The following SOCS5 variants were observed in gnomAD, a reference collection of about 807,000 sequenced individuals.
SOCS5 encodes the protein suppressor of cytokine signaling 5.
A neutral mutation model predicts 42.8 loss-of-function variants in SOCS5; 32 were observed. The ratio of observed to expected loss-of-function variants is 0.75; its 90% confidence interval spans 0.56 to 1.01. The LOEUF (loss-of-function observed/expected upper bound fraction) is 1.01. SOCS5 is among the 50% of genes least tolerant of loss of function. The pLI, the probability that SOCS5 is intolerant of heterozygous loss-of-function variation, is 0.00. For missense variants in SOCS5, 627 were observed against 653.0 expected (o/e 0.96, Z 0.43); for synonymous variants, 283 against 229.6 (o/e 1.23, Z -2.10).
At chr2:46,749,452 T>C (rs1281795431) in intron 1 of SOCS5, among the ~76,000 whole-genome samples, 1 of 152,220 alleles carries the variant, frequency 6.6e-6, no homozygotes, top group African/African-American at 2.4e-5. Context: ...CTAAGGCTTA[T>C]GTTGTTTGTG....
At chr2:46,707,544 G>C (rs1413241721) in intron 1 of SOCS5, among the ~76,000 whole-genome samples, 1 of 152,182 alleles carries the variant, frequency 6.6e-6, no homozygotes, top group Middle Eastern at 3.2e-3. Context: ...TAGTGCAAAA[G>C]AAAATTAGGA....
At chr2:46,705,868 G>T (rs373890614) in intron 1 of SOCS5, among the ~76,000 whole-genome samples, 1 of 152,210 alleles carries the variant, frequency 6.6e-6, no homozygotes, top group South Asian at 2.1e-4. Flanking sequence ...AGCCAGCAAG[G>T]AGAAGCTACA....
chr2:46,730,350 C>G (rs1404090459), intron 1 of SOCS5, among the ~76,000 whole-genome samples: 1 of 152,118 alleles, frequency 6.6e-6, no homozygotes, highest in Non-Finnish European at 1.5e-5. Context: ...TCTGTAATCC[C>G]GGCACTTTGG....
chr2:46,700,720 A>G (rs1672323797), intron 1 of SOCS5, among the ~76,000 whole-genome samples: 1 of 152,130 alleles, frequency 6.6e-6, no homozygotes, highest in African/African-American at 2.4e-5. Flanking sequence ...TTTTTCCTTT[A>G]TATAGCACTC....
At chr2:46,705,767 A>G (rs1046291830) in intron 1 of SOCS5, among the ~76,000 whole-genome samples, 3 of 152,192 alleles carry the variant, frequency 2.0e-5, no homozygotes, top group African/African-American at 4.8e-5. Flanking sequence ...TTTATTTAAC[A>G]TTTTTATAAA....
At position 46,759,984 on chromosome 2, in the gene SOCS5, A is replaced by G; in HGVS notation, c.1454A>G (p.Gln485Arg). 1 of 1,614,186 alleles carries G rather than the reference A, an allele frequency of 6.2e-7. No homozygotes were observed. Among genetic ancestry groups the G allele is most frequent in the South Asian group, 1.1e-5 (1 of 91,084 alleles). ...AATAGGACTTTCCCTTTTAGCCTGCAGTATATCTGTCGCGCGGTAATCTGC... is the reference window on the plus strand; with the variant it reads ...AATAGGACTTTCCCTTTTAGCCTGCGGTATATCTGTCGCGCGGTAATCTGC... ...SLNRTFPFSL[Q>R]YICRAVICRC... is the part of the protein sequence containing the mutation. Residue 485 changes from glutamine (Q) to arginine (R), a missense_variant, in exon 2 of 2, where the codon CAG (glutamine) becomes CGG (arginine). This residue lies in a region of SOCS5 where 340 missense variants were observed against 367.6 expected (regional missense o/e 0.92). Transcript: ENST00000394861.
At position 46,703,994 on chromosome 2, in the gene SOCS5, A is replaced by C. The variant is rs572633505; in HGVS notation, c.-13+4545A>C. On this transcript the variant is annotated intron_variant, in intron 1 of 1. Transcript: ENST00000394861. ...TGCCTGCCTTTACATGTAGGTGAAA[A>C]ATTGTAGGGAATGATTTCAGAGAGA... 4.6e-5 allele frequency among the ~76,000 whole-genome samples: 7 copies of C among 152,250 alleles called. No individual in the cohort carries two copies. The South Asian group carries it at 1.5e-3, about 32-fold the overall frequency.
chr2:46,716,753 G>A (rs1034850487), intron 1 of SOCS5, among the ~76,000 whole-genome samples: 1 of 152,186 alleles, frequency 6.6e-6, no homozygotes, highest in Non-Finnish European at 1.5e-5. Flanking sequence ...TGGGATTACA[G>A]GCATGAGCTA....
chr2:46,753,100 C>T (rs1051042969), intron 1 of SOCS5, among the ~76,000 whole-genome samples: 1 of 152,216 alleles, frequency 6.6e-6, no homozygotes, highest in South Asian at 2.1e-4. Context: ...CACTTCCCTT[C>T]ACTCACTGGG....
At chr2:46,747,568 G>T (rs1341376365) in intron 1 of SOCS5, among the ~76,000 whole-genome samples, 1 of 151,850 alleles carries the variant, frequency 6.6e-6, no homozygotes, top group Non-Finnish European at 1.5e-5. Flanking sequence ...TTTATGTCTT[G>T]CATAATGTGT....
chr2:46,752,766 A>T (rs1673651627), intron 1 of SOCS5, among the ~76,000 whole-genome samples: 1 of 152,136 alleles, frequency 6.6e-6, no homozygotes, highest in Non-Finnish European at 1.5e-5. Context: ...TTAAAAATTC[A>T]ATTTGTTGAC....
chr2:46,712,255 A>G (rs1380087461), intron 1 of SOCS5, among the ~76,000 whole-genome samples: 1 of 140,826 alleles, frequency 7.1e-6, no homozygotes, highest in Admixed American at 7.2e-5. Flanking sequence ...TTAGCTATAC[A>G]TTTTTCATAG....
chr2:46,709,151 T>G lies in SOCS5; in HGVS notation c.-13+9702T>G, dbSNP rs1672559789. ...CGCCCGCCTTGGCCTCCCAAAGTGC[T>G]GCGATTACAGGCTTTCACCTTCTTT... is the stretch of plus-strand genomic sequence containing the variant. On this transcript the variant is annotated intron_variant, in intron 1 of 1. Coordinates refer to ENST00000394861, the MANE Select transcript of SOCS5 (RefSeq NM_144949.3). Among the ~76,000 whole-genome samples the G allele has an allele frequency of 2.0e-5, 3 of 152,312 alleles. No individual in the cohort carries two copies. The South Asian group carries it at 6.2e-4, about 32-fold the overall frequency.
intron 1 of SOCS5, among the ~76,000 whole-genome samples, chr2:46,709,589 A>G (rs1672569043): frequency 1.3e-5 from 2 of 152,194 alleles, no homozygotes; most frequent in Admixed American, 1.3e-4. Flanking sequence ...AAGTAATAGA[A>G]CATTAAGGGT....
chr2:46,749,934 T>TGG (rs1558411876), intron 1 of SOCS5, among the ~76,000 whole-genome samples: 2 of 152,180 alleles, frequency 1.3e-5, no homozygotes, highest in Non-Finnish European at 2.9e-5. Context: ...AAGCTAAAGA[T>TGG]GCTAGATAAT....
intron 1 of SOCS5, among the ~76,000 whole-genome samples, chr2:46,722,333 GAA>G (rs5830921): frequency 6.6e-6 from 1 of 151,802 alleles, no homozygotes; most frequent in Admixed American, 6.6e-5. Flanking sequence ...AGTCAAGGGG[GAA>G]AAAAATCTGT....
chr2:46,699,769 G>T lies in SOCS5; in HGVS notation c.-13+320G>T, dbSNP rs1672301568. Among the ~76,000 whole-genome samples, 2 of 152,126 alleles carry T rather than the reference G, an allele frequency of 1.3e-5. No homozygotes were observed. The stretch of plus-strand genomic sequence containing the variant: ...TGGGGTTCCTAAGGGGAAGGGGGTC[G>T]TCCGGGGCCAGTAGGAGGGCATCCG... On this transcript the variant is annotated intron_variant, in intron 1 of 1. Transcript: ENST00000394861. This position sits in a 1 kb window ranked among gnomAD's most constrained non-coding sequence, Gnocchi z 4.8.
At chr2:46,731,890 A>T (rs540512064) in intron 1 of SOCS5, among the ~76,000 whole-genome samples, 115 of 152,368 alleles carry the variant, frequency 7.5e-4, no homozygotes, top group Non-Finnish European at 1.2e-3. Context: ...CTTAAAAAAG[A>T]CCTGAAGTTT....
At chr2:46,752,333 T>A (rs1230359518) in intron 1 of SOCS5, among the ~76,000 whole-genome samples, 1 of 152,040 alleles carries the variant, frequency 6.6e-6, no homozygotes, top group African/African-American at 2.4e-5. Context: ...TGATATAAGG[T>A]GGAACAGTTT....
Sources: allele counts gnomAD v4.1 joint callset (sites outside exome capture counted in the v4.1 genomes callset), GRCh38; gene constraint gnomAD v4.1.1; regional missense constraint gnomAD v4.1.1; non-coding constraint Gnocchi (gnomAD v3.1); transcripts MANE v1.5; gene names NCBI Gene and HGNC (gene_info 2026-07-23, HGNC 2026-07-21).